The following FAM151A variants were observed in gnomAD, a reference collection of about 807,000 sequenced individuals.
FAM151A encodes the protein protein FAM151A.
In FAM151A, 41 loss-of-function variants were observed where a neutral mutation model predicts 40.4. That is an observed-to-expected ratio of 1.01 (90% CI 0.79 to 1.32). The LOEUF is 1.32. Ranked by LOEUF, FAM151A falls within the 40% of genes most tolerant of loss-of-function variation. The pLI is 0.00. For synonymous variants in FAM151A, 337 were observed against 312.5 expected (o/e 1.08, Z -0.83); for missense variants, 740 against 740.4 (o/e 1.00, Z 0.01).
At chr1:54,615,523 G>C (rs1002212572) in intron 3 of FAM151A, among the ~76,000 whole-genome samples, 8 of 152,146 alleles carry the variant, frequency 5.3e-5, no homozygotes, top group Admixed American at 2.0e-4. Context: ...AAGCCAGTGA[G>C]GAGGGAGGTC....
chr1:54,614,968 AGTGGAGT>A, intron 3 of FAM151A, 109 bp from the exon 4 acceptor site: 1 of 1,077,326 alleles, frequency 9.3e-7, no homozygotes, highest in African/African-American at 1.6e-5. Context: ...GTGCGTGCAC[AGTGGAGT>A]CAGGGGAGGG....
chr1:54,614,887 G>A (rs191173076), intron 3 of FAM151A, 28 bp from the exon 4 acceptor site: 2 of 1,608,168 alleles, frequency 1.2e-6, no homozygotes, highest in Non-Finnish European at 1.7e-6. Flanking sequence ...AGGGCTTGGG[G>A]AAATGGCGAA....
rs766811270 is a variant in FAM151A, at chr1:54,610,530, G to A, written c.966C>T (p.Tyr322=). Residue 322 remains tyrosine, a synonymous_variant, in exon 7 of 8, where the codon TAC becomes TAT. Coordinates refer to ENST00000302250, the MANE Select transcript of FAM151A (RefSeq NM_176782.3). ...GAGGGATCAGGCTGCCTCCCGTGTA[G>A]TACATTGGTTTCCGTGTGGCATTCA... The part of the protein sequence containing the change: ...LALNATRKPM[Y]YTGGSLIPLL... The A allele has an allele frequency of 1.9e-6, 3 of 1,613,060 alleles. No homozygotes were observed. In the African/African-American group the frequency reaches 4.0e-5, roughly 21 times the overall value.
chr1:54,611,543 C>T, intron 6 of FAM151A, 63 bp downstream of exon 6: 4 of 1,563,650 alleles, frequency 2.6e-6, no homozygotes, highest in Non-Finnish European at 3.5e-6. Flanking sequence ...TGCTCCAGTG[C>T]CCACCAGGTG....
At chr1:54,615,914 C>G (rs937089867) in intron 3 of FAM151A, 106 bp downstream of exon 3, 58 of 1,174,684 alleles carry the variant, frequency 4.9e-5, no homozygotes, top group Non-Finnish European at 7.2e-5. Context: ...AGGCAATGAG[C>G]ACCTCGTGTC....
chr1:54,620,845 CAAAAAAA>C (rs767625864), intron 1 of FAM151A, among the ~76,000 whole-genome samples: 53 of 12,124 alleles, frequency 4.4e-3, no homozygotes, highest in Admixed American at 0.016. Flanking sequence ...GAGACTCTGT[CAAAAAAA>C]AAAAAAAAAA....
Position 54,616,063 on chromosome 1 carries a change from T to C in FAM151A, c.372A>G (p.Thr124=), listed in dbSNP as rs748730950. Residue 124 remains threonine, a synonymous_variant, in exon 3 of 8, where the codon ACA becomes ACG. Transcript: ENST00000302250. ...AHPPTIYSDN[T]LEQWLDAVLG... is the part of the protein sequence containing the mutation. ...GCACAGCGTCCAGCCACTGCTCCAG[T>C]GTGTTGTCACTGTAGATAGTGGGGG... is the stretch of plus-strand genomic sequence containing the variant. 1.9e-6 allele frequency: 3 copies of C among 1,614,120 alleles called. No homozygotes were observed. Among genetic ancestry groups the C allele is most frequent in the Non-Finnish European group, 2.5e-6 (3 of 1,180,024 alleles).
At position 54,619,844 on chromosome 1, in the gene FAM151A, G is replaced by A; in HGVS notation, c.262+20C>T. On this transcript the variant is annotated intron_variant, in intron 2 of 7. Transcript: ENST00000302250. ...CTATCCCTTGCCCTGGCCTGCCTCA[G>A]TCTTGGCAGCTGGACTTACTGTTCA... 6.2e-7 allele frequency: 1 copy of A among 1,612,796 alleles called. No homozygotes were observed. Among genetic ancestry groups the A allele is most frequent in the Non-Finnish European group, 8.5e-7 (1 of 1,179,510 alleles).
intron 2 of FAM151A, among the ~76,000 whole-genome samples, chr1:54,618,505 AAAAC>A (rs962432760): frequency 5.9e-5 from 9 of 152,262 alleles, no homozygotes; most frequent in East Asian, 3.9e-4. Flanking sequence ...ATCCTGTCTC[AAAAC>A]AAACAAACAA....
chr1:54,622,166 C>CT (rs1460740728), intron 1 of FAM151A, among the ~76,000 whole-genome samples: 1 of 148,664 alleles, frequency 6.7e-6, no homozygotes, highest in Non-Finnish European at 1.5e-5. Flanking sequence ...ATCCCAGCTA[C>CT]TTGGGAGGCT....
chr1:54,617,014 T>A (rs1644179806), intron 2 of FAM151A, among the ~76,000 whole-genome samples: 1 of 152,196 alleles, frequency 6.6e-6, no homozygotes, highest in African/African-American at 2.4e-5. Context: ...CACAGGGTCA[T>A]TTTTAAAGCC....
At chr1:54,620,826 T>C (rs535838045) in intron 1 of FAM151A, among the ~76,000 whole-genome samples, 1 of 103,600 alleles carries the variant, frequency 9.7e-6, no homozygotes, top group Non-Finnish European at 1.8e-5. Flanking sequence ...TCAGCCTGGA[T>C]GACACAAAGA....
At chr1:54,622,261 G>A (rs2101027078) in intron 1 of FAM151A, among the ~76,000 whole-genome samples, 1 of 119,710 alleles carries the variant, frequency 8.4e-6, no homozygotes, top group Admixed American at 9.7e-5. Context: ...GAGTGACAGA[G>A]TGAGACTCTG....
At chr1:54,609,982 T>G in intron 7 of FAM151A, 41 bp from the exon 8 acceptor site, 2 of 1,574,708 alleles carry the variant, frequency 1.3e-6, no homozygotes, top group Non-Finnish European at 1.7e-6. Context: ...AGGATTTGGG[T>G]TATCATAAGG....
rs774404535 is a variant in FAM151A, at chr1:54,609,232, C to T, written c.*36G>A. ...TTCCTGCCTCCCCGTGGGAAGCCTC[C>T]GCCCTGAGGTCCGCTGGCCCACCAC... is the stretch of plus-strand genomic sequence containing the variant. On this transcript the variant is annotated 3_prime_UTR_variant, in exon 8 of 8. Transcript: ENST00000302250. The T allele has an allele frequency of 2.6e-5, 41 of 1,590,612 alleles. No homozygotes were observed. Among genetic ancestry groups the T allele is most frequent in the East Asian group, 9.0e-5 (4 of 44,624 alleles).
intron 6 of FAM151A, chr1:54,611,152 G>A: frequency 1.8e-6 from 1 of 560,042 alleles, no homozygotes; most frequent in Non-Finnish European, 2.3e-6. Flanking sequence ...ATGAATGTGT[G>A]GGTCAGGCAG....
Position 54,614,805 on chromosome 1 carries a change from A to G in FAM151A, c.470T>C (p.Leu157Pro). The G allele has an allele frequency of 6.2e-7, 1 of 1,614,186 alleles. No individual in the cohort carries two copies. Among genetic ancestry groups the G allele is most frequent in the Non-Finnish European group, 8.5e-7 (1 of 1,180,030 alleles). ...IKAVGPSLDL[L>P]RQLTEEGKVR... ...TTTGCCTTCCTCTGTCAGCTGCCGC[A>G]GGAGGTCCAGGGAGGGGCCCACTGC... Residue 157 changes from leucine (L) to proline (P), a missense_variant, in exon 4 of 8, where the codon CTG (leucine) becomes CCG (proline). Physicochemically the swap from Leu to Pro is moderately conservative, Grantham distance 98 (BLOSUM62 -3). Coordinates refer to ENST00000302250, the MANE Select transcript of FAM151A (RefSeq NM_176782.3).
intron 7 of FAM151A, 36 bp from the exon 8 acceptor site, chr1:54,609,977 T>C (rs986465583): frequency 2.5e-5 from 40 of 1,579,844 alleles, no homozygotes; most frequent in Non-Finnish European, 3.3e-5. Flanking sequence ...TGTTTAGGAT[T>C]TGGGTTATCA....
intron 2 of FAM151A, among the ~76,000 whole-genome samples, chr1:54,619,462 A>G (rs1644207402): frequency 6.6e-6 from 1 of 152,138 alleles, no homozygotes; most frequent in Non-Finnish European, 1.5e-5. Context: ...ATTGCATGGT[A>G]GTCCCAGGAG....
Sources: gnomAD v4.1 joint callset for allele counts (sites outside exome capture counted in the v4.1 genomes callset) on GRCh38, gnomAD v4.1.1 for gene constraint, MANE v1.5 for transcripts, NCBI Gene and HGNC (gene_info 2026-07-23, HGNC 2026-07-21) for gene names.